Variants in USP34 observed in about 807,000 individuals in gnomAD.
USP34 encodes the protein ubiquitin carboxyl-terminal hydrolase 34.
USP34 carries 70 observed loss-of-function variants against 460.3 expected under a neutral mutation model. That is an observed-to-expected ratio of 0.15 (90% CI 0.13 to 0.19). The LOEUF is 0.19. Ranked by LOEUF, USP34 falls within the 10% of genes least tolerant of loss-of-function variation. USP34 has a pLI of 1.00. For synonymous variants in USP34, 1,647 were observed against 1,405.3 expected, an observed-to-expected ratio of 1.17 and a Z score of -3.85; for missense variants, 3,985 against 4,236.2, an observed-to-expected ratio of 0.94 and a Z score of 1.65.
At chr2:61,216,959 T>C (rs937122015) in intron 67 of USP34, among the ~76,000 whole-genome samples, 1 of 151,606 alleles carries the variant, frequency 6.6e-6, no homozygotes, top group Non-Finnish European at 1.5e-5. Flanking sequence ...GTGAGTTATA[T>C]ACTTTCACCT....
At chr2:61,331,464 T>C (rs1572941408) in intron 19 of USP34, 93 bp from the exon 20 acceptor site, 1 of 1,017,340 alleles carries the variant, frequency 9.8e-7, no homozygotes, top group Non-Finnish European at 1.3e-6. Flanking sequence ...CTAAAAAAAA[T>C]CTTCAAATGT....
chr2:61,446,900 G>A (rs1357065849), intron 1 of USP34, among the ~76,000 whole-genome samples: 1 of 151,688 alleles, frequency 6.6e-6, no homozygotes, highest in African/African-American at 2.4e-5. Flanking sequence ...GGAAAATATT[G>A]GTCCACTAAG....
chr2:61,467,330 A>AT (rs2104122276), intron 1 of USP34, among the ~76,000 whole-genome samples: 2 of 152,042 alleles, frequency 1.3e-5, no homozygotes, highest in East Asian at 3.9e-4. Context: ...AATAATAATA[A>AT]TAAAAAAAGC....
chr2:61,331,443 A>T, intron 19 of USP34, 72 bp from the exon 20 acceptor site: 1 of 1,213,780 alleles, frequency 8.2e-7, no homozygotes, highest in Non-Finnish European at 1.1e-6. Flanking sequence ...TATGACAGTA[A>T]ATATGCAAAT....
intron 20 of USP34, among the ~76,000 whole-genome samples, chr2:61,327,888 A>C (rs1483398525): frequency 6.6e-6 from 1 of 152,216 alleles, no homozygotes; most frequent in African/African-American, 2.4e-5. Context: ...CAGTCTCCCC[A>C]AAGATATGAA....
intron 70 of USP34, 35 bp downstream of exon 70, chr2:61,208,864 A>C: frequency 6.9e-7 from 1 of 1,451,144 alleles, no homozygotes; most frequent in East Asian, 2.4e-5. Context: ...TTAAAATGAG[A>C]TAATATCCAC....
At chr2:61,277,893 A>C (rs1306584940) in intron 41 of USP34, 1 of 353,294 alleles carries the variant, frequency 2.8e-6, no homozygotes, top group Non-Finnish European at 5.2e-6. Context: ...TATAAGGAGA[A>C]ACCGCTTTCG....
chr2:61,283,574 TGAGTGAGAGTGA>T (rs59387275), intron 35 of USP34, 125 bp from the exon 36 acceptor site: 100 of 681,484 alleles, frequency 1.5e-4, no homozygotes, highest in African/African-American at 3.0e-4. Context: ...AGTGGGTGTG[TGAGTGAGAGTGA>T]GAGTGAGAGT....
intron 18 of USP34, among the ~76,000 whole-genome samples, chr2:61,335,574 C>T (rs371524261): frequency 5.3e-5 from 8 of 152,070 alleles, no homozygotes; most frequent in South Asian, 2.1e-4. Context: ...CAGTGAGACC[C>T]GGTCTCCACA....
At chr2:61,356,473 G>GCACA (rs1491120202) in intron 10 of USP34, among the ~76,000 whole-genome samples, 4 of 89,956 alleles carry the variant, frequency 4.4e-5, no homozygotes, top group Non-Finnish European at 1.1e-4. Context: ...CTGGGTGAAA[G>GCACA]CGCACACACA....
In USP34 at chr2:61,223,114, T is replaced by C. The variant is rs1266422445; in HGVS notation, c.7695A>G (p.Gln2565=). 6.2e-7 allele frequency: 1 copy of C among 1,613,948 alleles called. No individual in the cohort carries two copies. The highest frequency in any genetic ancestry group is 8.5e-7 in the Non-Finnish European group (1 of 1,179,950). ...ACAGGCTGAAAATCAGATTACAAGT[T>C]TGTCTTATATTGATGCCATCACGAA... ...QHIRDGINIR[Q]TCNLIFSLCR... The change falls in exon 64 of 80, where the codon CAA becomes CAG. Residue 2565 remains glutamine (Q), a synonymous_variant. Transcript: ENST00000398571.
At chr2:61,381,710 T>C (rs1692980985) in intron 6 of USP34, among the ~76,000 whole-genome samples, 1 of 152,166 alleles carries the variant, frequency 6.6e-6, no homozygotes, top group African/African-American at 2.4e-5. Context: ...CAGAGCTCTA[T>C]CTTAGACTCA....
rs558361306 is a variant in USP34, at chr2:61,250,797, C to G, written c.6222-2114G>C. Among the ~76,000 whole-genome samples, 7 of 152,092 alleles carry G rather than the reference C, an allele frequency of 4.6e-5. No homozygotes were observed. The East Asian group carries it at 1.4e-3, about 29-fold the overall frequency. ...CAAAGAATAGACACTAAAATCAGGC[C>G]GATCTACAATTATACTTAAGGGATC... On this transcript the variant is annotated intron_variant, in intron 48 of 79. Transcript: ENST00000398571.
intron 37 of USP34, among the ~76,000 whole-genome samples, chr2:61,282,694 G>A (rs934801198): frequency 6.6e-6 from 1 of 152,060 alleles, no homozygotes; most frequent in Admixed American, 6.6e-5. Flanking sequence ...GGAGGCTGAA[G>A]CCAGAGGATC....
Position 61,319,207 on chromosome 2 carries a change from C to T in USP34, c.3134G>A (p.Gly1045Asp). 6.3e-7 allele frequency: 1 copy of T among 1,583,172 alleles called. No individual in the cohort carries two copies. The highest frequency in any genetic ancestry group is 8.5e-7 in the Non-Finnish European group (1 of 1,170,580). The change falls in exon 22 of 80, where the codon GGT becomes GAT. Residue 1045 changes from glycine to aspartate, a missense_variant. Transcript: ENST00000398571. ...GAAAAGATGTTTGTAGGTTTCCATACCCATAGCATGTTGATCTTTACTTCG... is the reference window on the plus strand; with the variant it reads ...GAAAAGATGTTTGTAGGTTTCCATATCCATAGCATGTTGATCTTTACTTCG... ...QVRSKDQHAM[G>D]METYKHLFLE...
chr2:61,238,204 G>A (rs1439665285), intron 53 of USP34, among the ~76,000 whole-genome samples: 5 of 152,032 alleles, frequency 3.3e-5, no homozygotes, highest in East Asian at 1.9e-4. Flanking sequence ...CCTTACCCTA[G>A]CTATTTTCTA....
rs952075317 is a variant in USP34 at position 61,190,722 on chromosome 2, A to G, written c.9589-64T>C. The G allele has an allele frequency of 6.5e-6, 10 of 1,543,246 alleles. No homozygotes were observed. In the African/African-American group the frequency reaches 1.2e-4, roughly 19 times the overall value. On this transcript the variant is annotated intron_variant, in intron 76 of 79. Transcript: ENST00000398571. ...GCACGGAAAAAACTTACACGGAAAA[A>G]ACTTACACAGAAAAAACATACACTT...
rs374438424 is a variant in USP34, at chr2:61,317,658, G to C, written c.3278C>G (p.Ser1093Cys). 34 of 1,612,808 alleles carry C rather than the reference G, an allele frequency of 2.1e-5. No homozygotes were observed. In the African/African-American group the frequency reaches 4.3e-4, roughly 20 times the overall value. Residue 1093 changes from serine to cysteine, a missense_variant, in exon 23 of 80, where the codon TCT becomes TGT. This residue lies in a region of USP34 where 1,114 missense variants were observed against 1,122.5 expected (regional missense o/e 0.99). Transcript: ENST00000398571. ...ATSAYDGCSNSELCGMDQFWG... is the reference protein window; with the variant it reads ...ATSAYDGCSNCELCGMDQFWG... ...AAAGTAAGTCTAAATCCATACCTCA[G>C]AATTTGAACAACCATCATAGGCACT...
chr2:61,381,170 C>T (rs1692959485), intron 6 of USP34, among the ~76,000 whole-genome samples: 2 of 150,148 alleles, frequency 1.3e-5, no homozygotes, highest in Admixed American at 6.6e-5. Flanking sequence ...CCTGCCAAAT[C>T]CCCCTCTGCA....
Sources: allele counts gnomAD v4.1 joint callset (sites outside exome capture counted in the v4.1 genomes callset), GRCh38; gene constraint gnomAD v4.1.1; regional missense constraint gnomAD v4.1.1; transcripts MANE v1.5; gene names NCBI Gene and HGNC (gene_info 2026-07-23, HGNC 2026-07-21).